SRGAP3: variants seen among roughly 807,000 people sequenced by gnomAD.
The protein encoded by SRGAP3 is SLIT-ROBO Rho GTPase activating protein 3.
A neutral mutation model predicts 121.1 loss-of-function variants in SRGAP3; 39 were observed. The observed-to-expected ratio is 0.32, with a 90% CI of 0.25 to 0.42. SRGAP3 has a LOEUF of 0.42. Among genes scored for constraint, SRGAP3 ranks in the 10% least tolerant of loss-of-function variants. The pLI is 1.00. For synonymous variants in SRGAP3, 601 were observed against 570.0 expected (o/e 1.05, Z -0.77); for missense variants, 1,213 against 1,470.6 (o/e 0.82, Z 2.86).
chr3:9,280,420 C>T (rs1954655277), intron 3 of SRGAP3, among the ~76,000 whole-genome samples: 1 of 152,246 alleles, frequency 6.6e-6, no homozygotes, highest in African/African-American at 2.4e-5. Flanking sequence ...CATCTCTTTG[C>T]AAACTTCTGT....
chr3:9,067,447 T>C (rs187467820), intron 4 of SRGAP3, among the ~76,000 whole-genome samples: 2 of 152,172 alleles, frequency 1.3e-5, no homozygotes, highest in East Asian at 3.9e-4. Flanking sequence ...AACCCCCTTC[T>C]TGCTGATTTC....
chr3:9,289,349 A>G (rs1488600748), intron 3 of SRGAP3, among the ~76,000 whole-genome samples: 1 of 152,190 alleles, frequency 6.6e-6, no homozygotes, highest in African/African-American at 2.4e-5. Flanking sequence ...TGCTGGCTCA[A>G]TACTTGTTGC....
intron 3 of SRGAP3, among the ~76,000 whole-genome samples, chr3:9,284,023 C>T (rs1318060968): frequency 6.6e-6 from 1 of 152,106 alleles, no homozygotes. Flanking sequence ...CCCATAGAAT[C>T]AGAATCAACT....
chr3:9,125,534 T>C (rs1386089233), intron 1 of SRGAP3, among the ~76,000 whole-genome samples: 2 of 152,234 alleles, frequency 1.3e-5, no homozygotes, highest in Non-Finnish European at 2.9e-5. Flanking sequence ...GCCACATCTG[T>C]GTCCTGCTTT....
At chr3:9,172,021 G>A (rs1413930481) in intron 1 of SRGAP3, among the ~76,000 whole-genome samples, 14 of 151,354 alleles carry the variant, frequency 9.2e-5, no homozygotes, top group Non-Finnish European at 4.4e-5. Flanking sequence ...GTGTATGTCT[G>A]TCTCTATGTC....
intron 3 of SRGAP3, among the ~76,000 whole-genome samples, chr3:9,316,722 A>G (rs1955353366): frequency 6.6e-6 from 1 of 152,204 alleles, no homozygotes; most frequent in Non-Finnish European, 1.5e-5. Flanking sequence ...AGTTAAGCCA[A>G]TATTTTTGTC....
chr3:9,073,826 A>G (rs1350021484), intron 4 of SRGAP3, among the ~76,000 whole-genome samples: 1 of 152,210 alleles, frequency 6.6e-6, no homozygotes, highest in Admixed American at 6.5e-5. Context: ...CACTTGCATA[A>G]AACAGGAATG....
At chr3:9,255,025 AAAGAAAGG>A (rs534820892) in intron 3 of SRGAP3, among the ~76,000 whole-genome samples, 3,883 of 151,188 alleles carry the variant, frequency 0.026, 70 homozygotes, top group Non-Finnish European at 0.039. Flanking sequence ...AAAGAAAGAG[AAAGAAAGG>A]AAGAAAGAAA....
chr3:9,322,022 A>G (rs1955445776), intron 3 of SRGAP3, among the ~76,000 whole-genome samples: 1 of 151,660 alleles, frequency 6.6e-6, no homozygotes, highest in Admixed American at 6.5e-5. Context: ...GAAAGGAAGA[A>G]AAAGGCAAGT....
intron 1 of SRGAP3, among the ~76,000 whole-genome samples, chr3:9,125,325 T>C (rs1255724328): frequency 2.0e-5 from 3 of 152,206 alleles, no homozygotes; most frequent in South Asian, 2.1e-4. Flanking sequence ...GCCTGGGACG[T>C]AGGAAATAAT....
chr3:9,162,597 G>A (rs1271311335), intron 1 of SRGAP3, among the ~76,000 whole-genome samples: 1 of 152,212 alleles, frequency 6.6e-6, no homozygotes, highest in Admixed American at 6.5e-5. Flanking sequence ...AAACCACAGT[G>A]AGGGCAACAC....
intron 3 of SRGAP3, among the ~76,000 whole-genome samples, chr3:9,316,078 T>C (rs1955339972): frequency 6.6e-6 from 1 of 152,070 alleles, no homozygotes; most frequent in African/African-American, 2.4e-5. Flanking sequence ...AGACAGAGTG[T>C]CCCTCTGTCA....
At chr3:9,127,051 T>G (rs935899518) in intron 1 of SRGAP3, among the ~76,000 whole-genome samples, 1 of 152,106 alleles carries the variant, frequency 6.6e-6, no homozygotes, top group African/African-American at 2.4e-5. Flanking sequence ...GTGTGGTCCA[T>G]GAGACCACGT....
intron 17 of SRGAP3, among the ~76,000 whole-genome samples, chr3:9,010,917 T>C (rs1943337392): frequency 6.6e-6 from 1 of 152,216 alleles, no homozygotes; most frequent in Admixed American, 6.5e-5. Context: ...ATGATGGGCA[T>C]AGTGGCTGAG....
At chr3:9,135,296 T>A (rs890206366) in intron 1 of SRGAP3, among the ~76,000 whole-genome samples, 1 of 152,236 alleles carries the variant, frequency 6.6e-6, no homozygotes, top group Non-Finnish European at 1.5e-5. Context: ...ATGGAAAATA[T>A]GGTCCTGAAA....
chr3:9,191,815 C>G (rs1011886914), intron 1 of SRGAP3, among the ~76,000 whole-genome samples: 8 of 152,060 alleles, frequency 5.3e-5, no homozygotes, highest in Non-Finnish European at 8.8e-5. Flanking sequence ...TAGCACCATC[C>G]CCCTTGGTAC....
intron 1 of SRGAP3, among the ~76,000 whole-genome samples, chr3:9,227,390 T>C (rs996198508): frequency 2.0e-5 from 3 of 152,142 alleles, no homozygotes; most frequent in African/African-American, 7.2e-5. Flanking sequence ...AGAGCGCACT[T>C]ATTGAGTGTG....
Position 9,248,134 on chromosome 3 carries a change from G to A in SRGAP3, c.67+751C>T, listed in dbSNP as rs1326016642. On this transcript the variant is annotated intron_variant, in intron 1 of 21. Coordinates refer to ENST00000383836, the MANE Select transcript of SRGAP3 (RefSeq NM_014850.4). The stretch of plus-strand genomic sequence containing the variant: ...CCCGGCAGGCTTCTCCTGGAACCCC[G>A]GAAGCCAGGCAGCGCTGACCAGCCC... Among the ~76,000 whole-genome samples, 4 of 152,220 alleles carry A rather than the reference G, an allele frequency of 2.6e-5. No individual in the cohort carries two copies. The East Asian group carries it at 7.7e-4, about 29-fold the overall frequency.
At chr3:9,236,567 G>A (rs1163585527) in intron 1 of SRGAP3, among the ~76,000 whole-genome samples, 1 of 151,994 alleles carries the variant, frequency 6.6e-6, no homozygotes, top group East Asian at 1.9e-4. Context: ...TTGTTTAAAA[G>A]TGTGTGGCAC....
Sources: gnomAD v4.1 joint callset for allele counts (sites outside exome capture counted in the v4.1 genomes callset) on GRCh38, gnomAD v4.1.1 for gene constraint, MANE v1.5 for transcripts, NCBI Gene and HGNC (gene_info 2026-07-23, HGNC 2026-07-21) for gene names.